The following WASF3 variants were observed in gnomAD, a reference collection of about 807,000 sequenced individuals.
WASF3 encodes actin-binding protein WASF3.
WASF3 carries 11 observed loss-of-function variants against 46.6 expected under a neutral mutation model. The ratio of observed to expected loss-of-function variants is 0.24; its 90% CI spans 0.15 to 0.39. WASF3 has a LOEUF of 0.39. Ranked by LOEUF, WASF3 falls within the 10% of genes least tolerant of loss-of-function variation. The pLI, the probability that WASF3 is intolerant of heterozygous loss-of-function variation, is 1.00. For synonymous variants in WASF3, 242 were observed against 259.7 expected (o/e 0.93, Z 0.65); for missense variants, 576 against 669.8 (o/e 0.86, Z 1.55).
At chr13:26,611,894 G>T (rs1880992901) in intron 1 of WASF3, among the ~76,000 whole-genome samples, 1 of 150,916 alleles carries the variant, frequency 6.6e-6, no homozygotes, top group Admixed American at 6.6e-5. Context: ...TGAGTTCTTA[G>T]AATCTACTGG....
At chr13:26,639,343 A>G (rs1485181670) in intron 2 of WASF3, among the ~76,000 whole-genome samples, 3 of 152,234 alleles carry the variant, frequency 2.0e-5, no homozygotes, top group Non-Finnish European at 4.4e-5. Context: ...AAGCTGAAAT[A>G]CTGCAACAAC....
At chr13:26,592,076 T>C (rs1052477359) in intron 1 of WASF3, among the ~76,000 whole-genome samples, 7 of 146,926 alleles carry the variant, frequency 4.8e-5, no homozygotes, top group African/African-American at 1.8e-4. Context: ...TAGATTATTT[T>C]GGGCTTTGCT....
intron 2 of WASF3, among the ~76,000 whole-genome samples, chr13:26,619,970 A>G (rs893717003): frequency 1.3e-5 from 2 of 152,184 alleles, no homozygotes; most frequent in African/African-American, 2.4e-5. Context: ...GCTTACTGGC[A>G]TATTTATAAT....
intron 1 of WASF3, among the ~76,000 whole-genome samples, chr13:26,610,214 G>T (rs1031736056): frequency 6.6e-6 from 1 of 152,110 alleles, no homozygotes; most frequent in Admixed American, 6.5e-5. Flanking sequence ...ATCCTCCCTT[G>T]TCTTAGTTTA....
At chr13:26,568,481 A>G (rs766313560) in intron 1 of WASF3, among the ~76,000 whole-genome samples, 18 of 152,104 alleles carry the variant, frequency 1.2e-4, no homozygotes, top group Non-Finnish European at 2.2e-4. Context: ...TGACCTGAGA[A>G]TTTAGAGGGG....
chr13:26,651,133 C>T (rs539547767), intron 3 of WASF3, among the ~76,000 whole-genome samples: 1 of 152,158 alleles, frequency 6.6e-6, no homozygotes, highest in East Asian at 1.9e-4. Flanking sequence ...AGCAGCCTCG[C>T]CAACATGATG....
intron 5 of WASF3, among the ~76,000 whole-genome samples, chr13:26,668,375 A>G (rs1226472199): frequency 6.6e-6 from 1 of 152,090 alleles, no homozygotes. Flanking sequence ...CCCTTGTGGT[A>G]TGTCCTGTCC....
In WASF3 at chr13:26,600,981, G is replaced by A. The variant is rs990423060; in HGVS notation, c.-108-11980G>A. 3.9e-5 allele frequency among the ~76,000 whole-genome samples: 6 copies of A among 152,254 alleles called. No individual in the cohort carries two copies. The South Asian group carries it at 1.0e-3, about 26-fold the overall frequency. ...AGGTTGAAAATGCTTACATTTATAG[G>A]TTATATAGTAGATAGAGCCATGCTG... is the stretch of plus-strand genomic sequence containing the variant. On this transcript the variant is annotated intron_variant, in intron 1 of 9. Transcript: ENST00000335327.
the WASF3 span, among the ~76,000 whole-genome samples, chr13:26,541,361 T>G: frequency 3.3e-5 from 5 of 152,222 alleles, no homozygotes; most frequent in Non-Finnish European, 7.3e-5. Context: ...TTAATAGCTG[T>G]GCAACCTTGG....
chr13:26,563,639 A>T (rs1199679364), intron 1 of WASF3, among the ~76,000 whole-genome samples: 2 of 120,620 alleles, frequency 1.7e-5, no homozygotes, highest in Non-Finnish European at 3.2e-5. Context: ...TGGGCAACAG[A>T]GTGAGACTCC....
chr13:26,635,963 G>A (rs1027385346), intron 2 of WASF3, among the ~76,000 whole-genome samples: 1 of 152,236 alleles, frequency 6.6e-6, no homozygotes, highest in African/African-American at 2.4e-5. Flanking sequence ...GCTACATGGG[G>A]GTCAGGGACC....
intron 1 of WASF3, among the ~76,000 whole-genome samples, chr13:26,561,358 G>GGGA (rs1417420765): frequency 1.3e-5 from 2 of 152,116 alleles, no homozygotes; most frequent in African/African-American, 4.8e-5. Flanking sequence ...AGTTGGGGCA[G>GGGA]GGAGGAGTTC....
Position 26,676,608 on chromosome 13 carries a change from C to G in WASF3, c.600C>G (p.Asn200Lys). ...TGAAAAAGGTTAGAAAAGCCAGAAA[C>G]AGGCGCCAGGAGTGGAATATGATGG... is the stretch of plus-strand genomic sequence containing the variant. ...REVKKVRKAR[N>K]RRQEWNMMAY... Residue 200 changes from asparagine (N) to lysine (K), a missense_variant, in exon 7 of 10, where the codon AAC becomes AAG. This residue lies in a region of WASF3 where 213 missense variants were observed against 278.0 expected (regional missense o/e 0.77). Transcript: ENST00000335327. 6.2e-7 allele frequency: 1 copy of G among 1,614,168 alleles called. No homozygotes were observed. Among genetic ancestry groups the G allele is most frequent in the Non-Finnish European group, 8.5e-7 (1 of 1,180,030 alleles).
chr13:26,557,658 G>C (rs1188996960), upstream of WASF3: 20 of 159,020 alleles, frequency 1.3e-4, no homozygotes, highest in African/African-American at 4.8e-4. Flanking sequence ...GAGCCCCCCC[G>C]CCGGGAGGGG....
At chr13:26,652,348 CAA>C (rs1442708173) in intron 3 of WASF3, among the ~76,000 whole-genome samples, 2 of 152,236 alleles carry the variant, frequency 1.3e-5, no homozygotes, top group Non-Finnish European at 2.9e-5. Flanking sequence ...ATGTACCTAA[CAA>C]GAGGACTGCA....
chr13:26,603,844 G>A (rs933139757), intron 1 of WASF3, among the ~76,000 whole-genome samples: 4 of 152,174 alleles, frequency 2.6e-5, no homozygotes, highest in African/African-American at 9.7e-5. Context: ...TCTACCAGGT[G>A]ATTCATAGGT....
intron 2 of WASF3, among the ~76,000 whole-genome samples, chr13:26,620,921 C>T (rs1397323055): frequency 6.6e-6 from 1 of 152,106 alleles, no homozygotes. Context: ...CACAAAGTTG[C>T]CTTTTTCTGG....
At chr13:26,590,406 C>T (rs928742868) in intron 1 of WASF3, among the ~76,000 whole-genome samples, 3 of 151,754 alleles carry the variant, frequency 2.0e-5, no homozygotes, top group Admixed American at 6.6e-5. Flanking sequence ...AAAAAGAAAC[C>T]CGAAAGAAGG....
intron 1 of WASF3, among the ~76,000 whole-genome samples, chr13:26,566,661 G>A (rs1879473571): frequency 6.6e-6 from 1 of 152,206 alleles, no homozygotes; most frequent in Non-Finnish European, 1.5e-5. Context: ...GAACCTGCTT[G>A]GTTCAGGCAG....
Sources: gnomAD v4.1 joint callset for allele counts (sites outside exome capture counted in the v4.1 genomes callset) on GRCh38, gnomAD v4.1.1 for gene constraint, gnomAD v4.1.1 regional missense constraint, MANE v1.5 for transcripts, NCBI Gene and HGNC (gene_info 2026-07-23, HGNC 2026-07-21) for gene names.